MLC1: variants seen among roughly 807,000 people sequenced by gnomAD.
The protein encoded by MLC1 is modulator of VRAC current 1, also known as membrane protein MLC1.
A neutral mutation model predicts 44.7 loss-of-function variants in MLC1; 32 were observed. The ratio of observed to expected loss-of-function variants is 0.72; its 90% CI spans 0.54 to 0.96. The LOEUF (loss-of-function observed/expected upper bound fraction) is 0.96, where lower values mean the gene tolerates loss of function less well. MLC1 is among the 40% of genes least tolerant of loss of function. The pLI is 0.00. For missense variants in MLC1, 459 were observed against 492.2 expected (o/e 0.93, Z 0.64); for synonymous variants, 190 against 213.0 (o/e 0.89, Z 0.94).
In MLC1 at chr22:50,083,208, C is replaced by T. The variant is rs755223127; in HGVS notation, c.178-35G>A. The T allele has an allele frequency of 8.2e-6, 13 of 1,576,774 alleles. No homozygotes were observed. Among genetic ancestry groups the T allele is most frequent in the South Asian group, 3.3e-5 (3 of 90,274 alleles). On this transcript the variant is annotated intron_variant, in intron 2 of 11. Coordinates refer to ENST00000311597, the MANE Select transcript of MLC1 (RefSeq NM_015166.4). The surrounding 1 kb of genome is among the most constrained non-coding windows in gnomAD (Gnocchi z 4.6). ...AGCGACAGAATCCCAGGTTACAACGCGCCCCGTCCCCAGGCTGGACCCTGA... is the reference window on the plus strand; with the variant it reads ...AGCGACAGAATCCCAGGTTACAACGTGCCCCGTCCCCAGGCTGGACCCTGA...
chr22:50,067,313 C>T (rs1182348211), intron 10 of MLC1, among the ~76,000 whole-genome samples: 3 of 151,110 alleles, frequency 2.0e-5, no homozygotes, highest in Non-Finnish European at 4.4e-5. Flanking sequence ...ACTCCATCCC[C>T]CATCAGACAG....
chr22:50,063,939 C>T, intron 11 of MLC1, 95 bp downstream of exon 11: 1 of 1,196,268 alleles, frequency 8.4e-7, no homozygotes, highest in Non-Finnish European at 1.1e-6. Flanking sequence ...ACCTCCCCAG[C>T]TTCCCCCCAC....
chr22:50,082,428 T>C (rs978767496), intron 3 of MLC1, among the ~76,000 whole-genome samples: 1 of 152,236 alleles, frequency 6.6e-6, no homozygotes, highest in Non-Finnish European at 1.5e-5. Context: ...GCCTTGGCAC[T>C]GTGTAAGTTT....
At position 50,083,330 on chromosome 22, in the gene MLC1, C is replaced by A. The variant is rs1248128698; in HGVS notation, c.178-157G>T. On this transcript the variant is annotated intron_variant, in intron 2 of 11. Transcript: ENST00000311597. The surrounding 1 kb of genome is among the most constrained non-coding windows in gnomAD (Gnocchi z 4.6). ...ACCTGGGACCCGCCCATCCTGGACT[C>A]CTCCTGTAGGACAGACGCAGCCCCG... 6.6e-6 allele frequency among the ~76,000 whole-genome samples: 1 copy of A among 152,124 alleles called. No individual in the cohort carries two copies. Among genetic ancestry groups the A allele is most frequent in the Non-Finnish European group, 1.5e-5 (1 of 68,018 alleles).
chr22:50,061,763 T>A, intron 11 of MLC1, 106 bp from the exon 12 acceptor site: 1 of 1,045,266 alleles, frequency 9.6e-7, no homozygotes, highest in Non-Finnish European at 1.5e-6. Context: ...GTTCAGAAGT[T>A]TTCTTCGAAT....
At chr22:50,079,037 A>T (rs2062051058) in intron 5 of MLC1, among the ~76,000 whole-genome samples, 1 of 151,974 alleles carries the variant, frequency 6.6e-6, no homozygotes, top group Non-Finnish European at 1.5e-5. Context: ...TAATCCCAGC[A>T]CTATGGGAGG....
chr22:50,071,745 C>T (rs1384991425), intron 8 of MLC1, among the ~76,000 whole-genome samples: 2 of 152,200 alleles, frequency 1.3e-5, no homozygotes, highest in South Asian at 2.1e-4. Context: ...AAGAAATGCC[C>T]TTTTCCCACT....
intron 5 of MLC1, among the ~76,000 whole-genome samples, chr22:50,079,390 G>A (rs1395228250): frequency 2.0e-5 from 3 of 149,518 alleles, no homozygotes; most frequent in Non-Finnish European, 4.4e-5. Flanking sequence ...ACATACTCAA[G>A]CCTCCTCCAG....
chr22:50,065,403 T>C lies in MLC1; in HGVS notation c.895-1205A>G, dbSNP rs147631558. 5.3e-3 allele frequency among the ~76,000 whole-genome samples: 805 copies of C among 151,632 alleles called. 4 individuals carry two copies. Among genetic ancestry groups the C allele is most frequent in the Non-Finnish European group, 8.8e-3 (600 of 67,940 alleles). ...AAATCCAGAGCCATTAAAGAAAATA[T>C]TAATCAACTTAACTATTTAAAAAAA... On this transcript the variant is annotated intron_variant, in intron 10 of 11. Transcript: ENST00000311597.
At position 50,076,853 on chromosome 22, in the gene MLC1, C is replaced by T. The variant is rs936944448; in HGVS notation, c.585G>A (p.Leu195=). 1.2e-6 allele frequency: 2 copies of T among 1,613,794 alleles called. No individual in the cohort carries two copies. The highest frequency in any genetic ancestry group is 1.7e-6 in the Non-Finnish European group (2 of 1,179,852). The change falls in exon 7 of 12, where the codon CTG becomes CTA. Residue 195 remains leucine (L), a synonymous_variant. Transcript: ENST00000311597. ...GAAGTTTTCTTACTGAGTAAGATTT[C>T]AGGACCCGAGCAGGAAATGGCACTT... ...LDEVPFPARV[L]KSYSVVEVIA... is the part of the protein sequence containing the mutation.
chr22:50,083,232 G>A lies in MLC1; in HGVS notation c.178-59C>T. On this transcript the variant is annotated intron_variant, in intron 2 of 11. Transcript: ENST00000311597. The surrounding 1 kb of genome is among the most constrained non-coding windows in gnomAD (Gnocchi z 4.6). ...GCGCCCCGTCCCCAGGCTGGACCCTGACCCTTCAACTTCTGCTTCACTGTC... is the reference window on the plus strand; with the variant it reads ...GCGCCCCGTCCCCAGGCTGGACCCTAACCCTTCAACTTCTGCTTCACTGTC... 6.8e-7 allele frequency: 1 copy of A among 1,466,702 alleles called. No individual in the cohort carries two copies. The highest frequency in any genetic ancestry group is 9.5e-7 in the Non-Finnish European group (1 of 1,048,170). 90.9% of individuals were successfully genotyped at this position (1,466,702 alleles called of 1,614,324 possible). A position where few individuals can be genotyped will look rare whatever the true frequency, so the allele number is the denominator to read the frequency against.
rs1450776875 is a variant in MLC1 at position 50,079,905 on chromosome 22, C to T, written c.423+13G>A. 4 of 1,590,092 alleles carry T rather than the reference C, an allele frequency of 2.5e-6. No individual in the cohort carries two copies. The highest frequency in any genetic ancestry group is 1.7e-4 in the Middle Eastern group (1 of 6,020). Reference sequence around the variant, plus strand: ...GGGTGTCAGGCGTCTGCGCGAAGCTCGTGTGAACTCACGTTTATTGCTGAT... The same window carrying T: ...GGGTGTCAGGCGTCTGCGCGAAGCTTGTGTGAACTCACGTTTATTGCTGAT... On this transcript the variant is annotated intron_variant, in intron 5 of 11. Coordinates refer to ENST00000311597, the MANE Select transcript of MLC1 (RefSeq NM_015166.4).
At chr22:50,064,767 G>A (rs549410308) in intron 10 of MLC1, among the ~76,000 whole-genome samples, 46 of 152,222 alleles carry the variant, frequency 3.0e-4, no homozygotes, top group Non-Finnish European at 5.9e-4. Flanking sequence ...GAGTGACCAC[G>A]GAGCACCCAA....
intron 10 of MLC1, among the ~76,000 whole-genome samples, chr22:50,066,600 C>T (rs917794636): frequency 4.6e-5 from 7 of 151,412 alleles, no homozygotes; most frequent in African/African-American, 1.7e-4. Flanking sequence ...GCAGAGGTTG[C>T]AGTGAGCCAA....
rs11568173 is a variant in MLC1 at position 50,080,030 on chromosome 22, A to C, written c.322-11T>G. ...CTGAAAGTTGGGAATCTGAAAAACA[A>C]GGCAGGAGGGGTTTTCCTTCTTTGA... On this transcript the variant is annotated splice_polypyrimidine_tract_variant and intron_variant, in intron 4 of 11. Transcript: ENST00000311597. The C allele has an allele frequency of 2.8e-5, 45 of 1,594,226 alleles. 1 individual carries two copies. The South Asian group carries it at 3.7e-4, about 13-fold the overall frequency.
At chr22:50,074,368 G>T in intron 7 of MLC1, 36 bp from the exon 8 acceptor site, 1 of 1,539,926 alleles carries the variant, frequency 6.5e-7, no homozygotes, top group Non-Finnish European at 9.0e-7. Context: ...TCATAAGGAA[G>T]TGGAGACACC....
chr22:50,063,709 CTG>C (rs2061624417), intron 11 of MLC1, among the ~76,000 whole-genome samples: 1 of 141,324 alleles, frequency 7.1e-6, no homozygotes, highest in Non-Finnish European at 1.5e-5. Context: ...ACCTCCCTGG[CTG>C]AGCACCCCTG....
chr22:50,076,718 G>A (rs1194470695), intron 7 of MLC1, 123 bp downstream of exon 7: 18 of 969,176 alleles, frequency 1.9e-5, no homozygotes, highest in East Asian at 1.5e-4. Context: ...TGAGGCGCAC[G>A]CCGCCATGCG....
intron 9 of MLC1, among the ~76,000 whole-genome samples, chr22:50,068,813 G>A (rs1388954351): frequency 2.9e-5 from 4 of 139,900 alleles, no homozygotes; most frequent in African/African-American, 5.4e-5. Flanking sequence ...TGTAACCTCC[G>A]CCTCCCGGGT....
Sources: gnomAD v4.1 joint callset for allele counts (sites outside exome capture counted in the v4.1 genomes callset) on GRCh38, gnomAD v4.1.1 for gene constraint, Gnocchi (gnomAD v3.1) non-coding constraint, MANE v1.5 for transcripts, NCBI Gene and HGNC (gene_info 2026-07-23, HGNC 2026-07-21) for gene names.